The following AMZ1 variants were observed in gnomAD, a reference collection of about 807,000 sequenced individuals.
The protein encoded by AMZ1 is archaemetzincin-1.
A neutral mutation model predicts 29.9 loss-of-function variants in AMZ1; 39 were observed. The observed-to-expected ratio is 1.30, with a 90% CI of 1.01 to 1.70. The LOEUF (loss-of-function observed/expected upper bound fraction) is 1.70. Among genes scored for constraint, AMZ1 ranks in the 40% most tolerant of loss-of-function variants. AMZ1 has a pLI of 0.00. For synonymous variants in AMZ1, 458 were observed against 304.0 expected, an observed-to-expected ratio of 1.51 and a Z score of -5.27; for missense variants, 1,041 against 680.6, an observed-to-expected ratio of 1.53 and a Z score of -5.89.
Position 2,731,441 on chromosome 7 carries a change from T to C in AMZ1, n.550+21625T>C. The C allele has an allele frequency of 6.2e-7, 1 of 1,613,748 alleles. No individual in the cohort carries two copies. Among genetic ancestry groups the C allele is most frequent in the Non-Finnish European group, 8.5e-7 (1 of 1,179,790 alleles). ...TTCTCCACCAGGAGGTCCATCTTGT[T>C]GAGGAAGAGAATGATGGAGACGTTG... On this transcript the variant is annotated intron_variant and non_coding_transcript_variant, in intron 4 of 4. Transcript: ENST00000489665. The surrounding 1 kb of genome is among the most constrained non-coding windows in gnomAD (Gnocchi z 6.0).
At chr7:2,764,139 T>C (rs999844404), upstream of AMZ1, among the ~76,000 whole-genome samples, 13 of 152,072 alleles carry the variant, frequency 8.5e-5, no homozygotes, top group Non-Finnish European at 2.9e-5. Context: ...GGTGCAATCA[T>C]GGCTCACTGC....
chr7:2,752,894 G>C (rs1562406422), intron 4 of AMZ1, among the ~76,000 whole-genome samples: 1 of 152,146 alleles, frequency 6.6e-6, no homozygotes, highest in Non-Finnish European at 1.5e-5. Context: ...CAATGTGTGT[G>C]TGGTTCCATG....
chr7:2,762,833 T>C, upstream of AMZ1: 1 of 1,496,812 alleles, frequency 6.7e-7, no homozygotes, highest in Non-Finnish European at 8.9e-7. Context: ...ACACACCCAG[T>C]CAGCGCGGCT....
intron 1 of AMZ1, among the ~76,000 whole-genome samples, chr7:2,688,706 T>C (rs933937580): frequency 1.3e-5 from 2 of 152,168 alleles, no homozygotes; most frequent in East Asian, 1.9e-4. Flanking sequence ...GTGCGGGACG[T>C]CCCCGGGGAA....
chr7:2,679,895 A>T (rs2115016782), intron 1 of AMZ1, among the ~76,000 whole-genome samples: 1 of 152,354 alleles, frequency 6.6e-6, no homozygotes, highest in African/African-American at 2.4e-5. Flanking sequence ...CTGGGGCTTC[A>T]TCCGAGTTGA....
At chr7:2,746,524 T>C (rs927157083) in intron 4 of AMZ1, among the ~76,000 whole-genome samples, 2 of 151,324 alleles carry the variant, frequency 1.3e-5, no homozygotes, top group African/African-American at 4.9e-5. Flanking sequence ...AAGCAGTGTG[T>C]AGAGGGAAAT....
rs1257466967 is a variant in AMZ1, at chr7:2,700,708, A to G, written c.257A>G (p.His86Arg). The G allele has an allele frequency of 6.2e-6, 10 of 1,612,994 alleles. No homozygotes were observed. Among genetic ancestry groups the G allele is most frequent in the Non-Finnish European group, 8.5e-6 (10 of 1,180,016 alleles). ...DFQTFHASLQ[H>R]RKPRLARKHI... is the part of the protein sequence containing the mutation. ...CAGACCTTCCACGCCTCCCTGCAGC[A>G]CCGGAAGCCCCGCCTGGCTCGGAAG... The change falls in exon 2 of 7, where the codon CAC becomes CGC. Residue 86 changes from histidine to arginine, a missense_variant. Coordinates refer to ENST00000683327, the MANE Select transcript of AMZ1 (RefSeq NM_001384743.1).
At chr7:2,733,028 G>T (rs1333360548) in intron 4 of AMZ1, among the ~76,000 whole-genome samples, 1 of 152,154 alleles carries the variant, frequency 6.6e-6, no homozygotes, top group Non-Finnish European at 1.5e-5. Context: ...GTCATTTTTC[G>T]TCTTGTCTTT....
At position 2,754,150 on chromosome 7, in the gene AMZ1, AT is replaced by A. The variant is rs537282013; in HGVS notation, n.551-10560del. On this transcript the variant is annotated intron_variant and non_coding_transcript_variant, in intron 4 of 4. Transcript: ENST00000489665. Reference sequence around the variant, plus strand: ...GCATTTGTTATTTTCACTATTTTCTATTGTATCTGTGTTAATAGGTGTGTAG... The same window carrying A: ...GCATTTGTTATTTTCACTATTTTCTATGTATCTGTGTTAATAGGTGTGTAG... Among the ~76,000 whole-genome samples the A allele has an allele frequency of 3.3e-3, 506 of 152,044 alleles. 7 individuals carry two copies. The highest frequency in any genetic ancestry group is 0.012 in the African/African-American group (487 of 41,452).
chr7:2,698,789 T>C (rs1387633238), intron 1 of AMZ1, among the ~76,000 whole-genome samples: 1 of 152,090 alleles, frequency 6.6e-6, no homozygotes, highest in East Asian at 1.9e-4. Flanking sequence ...TGAGCTATGA[T>C]TGCACCACTG....
chr7:2,709,078 TG>T lies in AMZ1; in HGVS notation c.608del (p.Gly203AlafsTer25). On this transcript the variant is annotated frameshift_variant, in exon 5 of 7. Transcript: ENST00000683327. LOFTEE classifies it high-confidence loss of function. ...TFSKFLPGHE[V>X]GVCSFARFSG... ...CCTTCTCTCCATCTCTCTCCAGAAGTGGGCGTCTGCAGCTTCGCCCGGTTCT... is the reference window on the plus strand; with the variant it reads ...CCTTCTCTCCATCTCTCTCCAGAAGTGGCGTCTGCAGCTTCGCCCGGTTCT... 1 of 1,587,184 alleles carries T rather than the reference TG, an allele frequency of 6.3e-7. No individual in the cohort carries two copies. The highest frequency in any genetic ancestry group is 8.6e-7 in the Non-Finnish European group (1 of 1,166,852).
chr7:2,701,689 C>A (rs79437910), intron 2 of AMZ1, among the ~76,000 whole-genome samples: 18 of 152,216 alleles, frequency 1.2e-4, no homozygotes, highest in Admixed American at 1.2e-3. Flanking sequence ...GGCTGGTGTC[C>A]GCTTCTGACC....
chr7:2,681,504 A>C (rs1282488697), intron 1 of AMZ1, among the ~76,000 whole-genome samples: 14 of 152,088 alleles, frequency 9.2e-5, no homozygotes, highest in Admixed American at 9.2e-4. Flanking sequence ...CGAGAGATCC[A>C]TCCGCCTTGC....
At chr7:2,721,577 G>A (rs187066691), downstream of AMZ1, among the ~76,000 whole-genome samples, 637 of 152,220 alleles carry the variant, frequency 4.2e-3, 6 homozygotes, top group African/African-American at 0.015. Flanking sequence ...TTAGCCAGGT[G>A]TGGTGTCAGA....
Position 2,737,150 on chromosome 7 carries a change from G to T in AMZ1, n.550+27334G>T, listed in dbSNP as rs144274345. Among the ~76,000 whole-genome samples, 270 of 152,182 alleles carry T rather than the reference G, an allele frequency of 1.8e-3. 3 individuals carry two copies. The highest frequency in any genetic ancestry group is 6.0e-3 in the African/African-American group (251 of 41,520). On this transcript the variant is annotated intron_variant and non_coding_transcript_variant, in intron 4 of 4. Coordinates refer to the AMZ1 transcript ENST00000489665. ...TCTCAGATGTAAGCGTCTAAGTAGGGACAGATCAAGGACCAGAGAGTGGTT... is the reference window on the plus strand; with the variant it reads ...TCTCAGATGTAAGCGTCTAAGTAGGTACAGATCAAGGACCAGAGAGTGGTT...
chr7:2,733,618 G>A (rs1210961524), intron 4 of AMZ1: 22 of 751,794 alleles, frequency 2.9e-5, no homozygotes, highest in Admixed American at 1.5e-4. Flanking sequence ...GAATGGGAAA[G>A]CAAAGGAAAA....
chr7:2,762,780 T>C (rs1185566130), upstream of AMZ1: 2 of 1,543,616 alleles, frequency 1.3e-6, no homozygotes, highest in Non-Finnish European at 1.7e-6. Flanking sequence ...ACCCAGGCTG[T>C]ACAAAAGGGA....
At chr7:2,738,370 T>A (rs1326995260) in intron 4 of AMZ1, among the ~76,000 whole-genome samples, 3 of 151,670 alleles carry the variant, frequency 2.0e-5, no homozygotes, top group Non-Finnish European at 4.4e-5. Flanking sequence ...AAACGTCTAG[T>A]AGGAGAAGCT....
upstream of AMZ1, among the ~76,000 whole-genome samples, chr7:2,687,725 G>A (rs1787138249): frequency 6.6e-6 from 1 of 151,706 alleles, no homozygotes; most frequent in African/African-American, 2.4e-5. Context: ...TGATAAGCCT[G>A]GTTCACCTCC....
Sources: gnomAD v4.1 joint callset for allele counts (sites outside exome capture counted in the v4.1 genomes callset) on GRCh38, gnomAD v4.1.1 for gene constraint, Gnocchi (gnomAD v3.1) non-coding constraint, MANE v1.5 for transcripts, NCBI Gene and HGNC (gene_info 2026-07-23, HGNC 2026-07-21) for gene names.